Variants in GPC6 observed in about 807,000 individuals in gnomAD.
The protein encoded by GPC6 is glypican 6.
In GPC6, 14 loss-of-function variants were observed where a neutral mutation model predicts 55.2. That is an observed-to-expected ratio of 0.25 (90% CI 0.17 to 0.40). GPC6 has a LOEUF of 0.40. Ranked by LOEUF, GPC6 falls within the 10% of genes least tolerant of loss-of-function variation. GPC6 has a pLI of 1.00. For synonymous variants in GPC6, 278 were observed against 259.6 expected (o/e 1.07, Z -0.68); for missense variants, 641 against 708.5 (o/e 0.90, Z 1.08).
chr13:93,767,056 G>A (rs1428549959), intron 2 of GPC6, among the ~76,000 whole-genome samples: 2 of 151,934 alleles, frequency 1.3e-5, no homozygotes, highest in African/African-American at 4.8e-5. Context: ...CAGAACTAGT[G>A]TTGATATTGT....
At chr13:94,329,537 A>T (rs1369807571) in intron 6 of GPC6, among the ~76,000 whole-genome samples, 1 of 152,176 alleles carries the variant, frequency 6.6e-6, no homozygotes, top group Non-Finnish European at 1.5e-5. Flanking sequence ...TCTTCATCCC[A>T]GGGGGGAGGT....
intron 2 of GPC6, among the ~76,000 whole-genome samples, chr13:93,809,447 C>G (rs1289666307): frequency 1.3e-5 from 2 of 152,172 alleles, no homozygotes; most frequent in African/African-American, 4.8e-5. Flanking sequence ...ATGTCTGGCT[C>G]TGACTCTAGG....
At chr13:93,695,118 A>G (rs1386467140) in intron 2 of GPC6, among the ~76,000 whole-genome samples, 2 of 152,128 alleles carry the variant, frequency 1.3e-5, no homozygotes, top group South Asian at 4.1e-4. Context: ...AAATGAGTCC[A>G]TAAATAAATA....
rs556810949 is a variant in GPC6 at position 93,610,184 on chromosome 13, G to A, written c.319+64763G>A. ...CTTTACACTCTGTTGTAGATTTTACGGAAAAAACTTCGTAAGTTTCAATTT... is the reference window on the plus strand; with the variant it reads ...CTTTACACTCTGTTGTAGATTTTACAGAAAAAACTTCGTAAGTTTCAATTT... On this transcript the variant is annotated intron_variant, in intron 2 of 8. Coordinates refer to ENST00000377047, the MANE Select transcript of GPC6 (RefSeq NM_005708.5). Among the ~76,000 whole-genome samples, 75 of 152,164 alleles carry A rather than the reference G, an allele frequency of 4.9e-4. 1 individual carries two copies. In the South Asian group the frequency reaches 0.015, roughly 31 times the overall value.
chr13:93,468,652 C>A (rs989576896), intron 1 of GPC6, among the ~76,000 whole-genome samples: 5 of 152,086 alleles, frequency 3.3e-5, no homozygotes, highest in African/African-American at 1.2e-4. Context: ...GCAATGCACA[C>A]AGCCCTAGAG....
In GPC6 at chr13:93,272,492, G is replaced by GTATATATATATATATATA. The variant is rs61556173; in HGVS notation, c.160+44887_160+44904dup. On this transcript the variant is annotated intron_variant, in intron 1 of 8. Transcript: ENST00000377047. ...GAATGAGGTGATTCATTGTCTGTGT[G>GTATATATATATATATATA]TATATATATATATATATATATATAT... Among the ~76,000 whole-genome samples the GTATATATATATATATATA allele has an allele frequency of 1.2e-3, 164 of 137,140 alleles. 2 individuals carry two copies. The highest frequency in any genetic ancestry group is 4.2e-3 in the African/African-American group (158 of 37,406). The allele number at this position is 137,140 out of a possible 152,430, so 90.0% of individuals were successfully genotyped here.
intron 1 of GPC6, among the ~76,000 whole-genome samples, chr13:93,388,052 C>A (rs970282618): frequency 5.3e-5 from 8 of 152,244 alleles, no homozygotes; most frequent in Non-Finnish European, 1.0e-4. Context: ...ACTCTGCAAT[C>A]CTGTATCACA....
chr13:93,789,515 A>G (rs767976984), intron 2 of GPC6, among the ~76,000 whole-genome samples: 1 of 100,006 alleles, frequency 1.0e-5, no homozygotes, highest in Non-Finnish European at 2.0e-5. Context: ...CTCTCTATAT[A>G]TATATATATA....
intron 1 of GPC6, among the ~76,000 whole-genome samples, chr13:93,532,008 C>T (rs1054027018): frequency 1.3e-5 from 2 of 152,136 alleles, no homozygotes; most frequent in African/African-American, 4.8e-5. Flanking sequence ...TGAACTACCT[C>T]CAAGTAGTTT....
chr13:93,761,584 A>T (rs894012622), intron 2 of GPC6, among the ~76,000 whole-genome samples: 2 of 152,082 alleles, frequency 1.3e-5, no homozygotes, highest in Non-Finnish European at 2.9e-5. Flanking sequence ...TGGTGCAATC[A>T]TAGCTCCCTG....
intron 1 of GPC6, among the ~76,000 whole-genome samples, chr13:93,472,041 C>T (rs182506893): frequency 3.9e-5 from 6 of 152,254 alleles, no homozygotes; most frequent in African/African-American, 9.6e-5. Context: ...TTTAGATTTA[C>T]GGATTTAGTT....
intron 5 of GPC6, among the ~76,000 whole-genome samples, chr13:94,289,785 T>A (rs1874857581): frequency 6.6e-6 from 1 of 152,234 alleles, no homozygotes; most frequent in Non-Finnish European, 1.5e-5. Context: ...AAGTTCTTAA[T>A]ATATACTAAG....
chr13:93,897,786 A>G (rs1434812534), intron 3 of GPC6, among the ~76,000 whole-genome samples: 1 of 152,120 alleles, frequency 6.6e-6, no homozygotes, highest in Non-Finnish European at 1.5e-5. Context: ...TCAGATGACT[A>G]TATGTGGTAC....
At chr13:93,545,658 G>A (rs1445950997) in intron 2 of GPC6, among the ~76,000 whole-genome samples, 3 of 151,808 alleles carry the variant, frequency 2.0e-5, no homozygotes, top group East Asian at 1.9e-4. Context: ...TGCTTTGCCT[G>A]TGAGATTTAT....
intron 3 of GPC6, among the ~76,000 whole-genome samples, chr13:93,838,855 G>C (rs1887840450): frequency 6.6e-6 from 1 of 152,166 alleles, no homozygotes; most frequent in South Asian, 2.1e-4. Flanking sequence ...TTTGGGAACA[G>C]TTGTCTGCCT....
At chr13:93,549,675 A>G (rs369043330) in intron 2 of GPC6, among the ~76,000 whole-genome samples, 16 of 151,888 alleles carry the variant, frequency 1.1e-4, no homozygotes, top group African/African-American at 3.1e-4. Flanking sequence ...CTATCCCTCT[A>G]TCTCACCCTG....
intron 3 of GPC6, among the ~76,000 whole-genome samples, chr13:93,873,935 A>G (rs1889210500): frequency 6.6e-6 from 1 of 151,880 alleles, no homozygotes; most frequent in Non-Finnish European, 1.5e-5. Flanking sequence ...TACCATCTCC[A>G]CTGCTCCACC....
At chr13:93,823,195 C>A (rs1341652037) in intron 2 of GPC6, among the ~76,000 whole-genome samples, 1 of 146,802 alleles carries the variant, frequency 6.8e-6, no homozygotes, top group Non-Finnish European at 1.5e-5. Context: ...TTAGGTATGA[C>A]TTTAGAATGC....
chr13:93,855,210 T>G (rs911984384), intron 3 of GPC6, among the ~76,000 whole-genome samples: 3 of 151,716 alleles, frequency 2.0e-5, no homozygotes, highest in African/African-American at 7.2e-5. Flanking sequence ...TCCCTGGCAA[T>G]AACTGATATT....
Sources: allele counts gnomAD v4.1 joint callset (sites outside exome capture counted in the v4.1 genomes callset), GRCh38; gene constraint gnomAD v4.1.1; transcripts MANE v1.5; gene names NCBI Gene and HGNC (gene_info 2026-07-23, HGNC 2026-07-21).